The following LRRC4C variants were observed in gnomAD, a reference collection of about 807,000 sequenced individuals.
The protein encoded by LRRC4C is leucine rich repeat containing 4C.
A neutral mutation model predicts 33.6 loss-of-function variants in LRRC4C; 5 were observed. The ratio of observed to expected loss-of-function variants is 0.15; its 90% confidence interval spans 0.08 to 0.31. The LOEUF (loss-of-function observed/expected upper bound fraction) is 0.31. Among genes scored for constraint, LRRC4C ranks in the 10% least tolerant of loss-of-function variants. LRRC4C has a pLI of 1.00. For synonymous variants in LRRC4C, 329 were observed against 302.0 expected (o/e 1.09, Z -0.93); for missense variants, 560 against 796.7 (o/e 0.70, Z 3.58).
At chr11:40,621,300 A>G (rs80042462) in intron 3 of LRRC4C, among the ~76,000 whole-genome samples, 22 of 151,490 alleles carry the variant, frequency 1.5e-4, no homozygotes, top group African/African-American at 4.6e-4. Flanking sequence ...CATAAAGTCT[A>G]CTTGTTTCTG....
chr11:40,258,205 G>C (rs1867377208), intron 4 of LRRC4C, among the ~76,000 whole-genome samples: 1 of 152,030 alleles, frequency 6.6e-6, no homozygotes, highest in African/African-American at 2.4e-5. Context: ...TCAACTCCTT[G>C]GTCTTCACGT....
chr11:40,915,877 G>A (rs988049026), intron 2 of LRRC4C, among the ~76,000 whole-genome samples: 3 of 152,124 alleles, frequency 2.0e-5, no homozygotes, highest in African/African-American at 7.2e-5. Flanking sequence ...CCATCAAAAA[G>A]TGGGTGAAGG....
At chr11:41,006,144 A>G (rs140383241) in intron 1 of LRRC4C, among the ~76,000 whole-genome samples, 8 of 152,338 alleles carry the variant, frequency 5.3e-5, no homozygotes, top group African/African-American at 1.9e-4. Context: ...TGGTGTTGAC[A>G]TATTTGGTTT....
At chr11:41,405,715 T>C (rs918166202) in intron 1 of LRRC4C, among the ~76,000 whole-genome samples, 2 of 152,142 alleles carry the variant, frequency 1.3e-5, no homozygotes, top group Non-Finnish European at 2.9e-5. Flanking sequence ...GAAGAATCTA[T>C]CATTTTGGAT....
At chr11:40,403,757 T>A (rs1949853847) in intron 3 of LRRC4C, among the ~76,000 whole-genome samples, 1 of 152,088 alleles carries the variant, frequency 6.6e-6, no homozygotes, top group South Asian at 2.1e-4. Flanking sequence ...GCATCCTAAA[T>A]CTCAGAGAGA....
At chr11:40,462,395 G>A (rs1952441754) in intron 3 of LRRC4C, among the ~76,000 whole-genome samples, 1 of 152,084 alleles carries the variant, frequency 6.6e-6, no homozygotes, top group African/African-American at 2.4e-5. Flanking sequence ...ACTTAAAGGG[G>A]TAGATTTTCA....
chr11:40,859,737 C>A (rs1953980404), intron 2 of LRRC4C, among the ~76,000 whole-genome samples: 2 of 152,180 alleles, frequency 1.3e-5, no homozygotes, highest in African/African-American at 2.4e-5. Flanking sequence ...GTATACAGTG[C>A]AATATTAGTC....
At chr11:40,503,503 T>C (rs1395389625) in intron 3 of LRRC4C, among the ~76,000 whole-genome samples, 2 of 152,184 alleles carry the variant, frequency 1.3e-5, no homozygotes, top group South Asian at 4.1e-4. Flanking sequence ...TGAAGTAATT[T>C]CACTATATTG....
At chr11:40,936,702 A>G (rs978287283) in intron 1 of LRRC4C, among the ~76,000 whole-genome samples, 1 of 152,150 alleles carries the variant, frequency 6.6e-6, no homozygotes, top group Non-Finnish European at 1.5e-5. Flanking sequence ...ATCATGTATT[A>G]TTTTATTTAA....
chr11:40,490,024 G>T (rs562849994), intron 3 of LRRC4C, among the ~76,000 whole-genome samples: 9 of 152,102 alleles, frequency 5.9e-5, no homozygotes, highest in African/African-American at 2.2e-4. Context: ...TCCTTCCTCA[G>T]TTGCCTTTTG....
At chr11:41,431,654 C>G (rs923316483) in intron 1 of LRRC4C, among the ~76,000 whole-genome samples, 3 of 148,106 alleles carry the variant, frequency 2.0e-5, no homozygotes, top group African/African-American at 4.9e-5. Context: ...TGTGTGTGTA[C>G]ACGTACACAC....
chr11:40,326,067 A>G (rs1162173288), intron 3 of LRRC4C, among the ~76,000 whole-genome samples: 1 of 151,946 alleles, frequency 6.6e-6, no homozygotes, highest in African/African-American at 2.4e-5. Flanking sequence ...AAAACCTAAA[A>G]AAAAAAAAAA....
intron 4 of LRRC4C, among the ~76,000 whole-genome samples, chr11:40,254,201 A>AT (rs1867019035): frequency 6.6e-6 from 1 of 152,180 alleles, no homozygotes; most frequent in African/African-American, 2.4e-5. Flanking sequence ...AGAACAAATA[A>AT]TTTTTTCATA....
Position 40,847,811 on chromosome 11 carries a change from A to G in LRRC4C, c.-407+85824T>C, listed in dbSNP as rs1422554632. On this transcript the variant is annotated intron_variant, in intron 2 of 6. Transcript: ENST00000528697. ...TTTTTTTTTTTTTTTGATTGGTACG[A>G]TATTAACTACTGTCTCAATTTCAGA... 3.7e-5 allele frequency among the ~76,000 whole-genome samples: 5 copies of G among 136,872 alleles called. No homozygotes were observed. In the South Asian group the frequency reaches 9.1e-4, roughly 25 times the overall value. The allele number at this position is 136,872 out of a possible 152,430, so 89.8% of individuals were successfully genotyped here. A position where few individuals can be genotyped will look rare whatever the true frequency, so the allele number is the denominator to read the frequency against.
At chr11:41,298,062 G>A (rs916309655) in intron 1 of LRRC4C, among the ~76,000 whole-genome samples, 2 of 152,146 alleles carry the variant, frequency 1.3e-5, no homozygotes, top group Admixed American at 6.5e-5. Flanking sequence ...AAATGTGTGC[G>A]TCTTCTGCAG....
chr11:40,379,829 C>G (rs1026255708), intron 3 of LRRC4C, among the ~76,000 whole-genome samples: 1 of 152,044 alleles, frequency 6.6e-6, no homozygotes, highest in Non-Finnish European at 1.5e-5. Flanking sequence ...GTTGTGGGCC[C>G]GCAGTATCAA....
chr11:40,629,776 T>C (rs1182124313), intron 3 of LRRC4C, among the ~76,000 whole-genome samples: 1 of 152,174 alleles, frequency 6.6e-6, no homozygotes, highest in African/African-American at 2.4e-5. Flanking sequence ...TTTTAAATGA[T>C]AGATGTTAAT....
intron 1 of LRRC4C, among the ~76,000 whole-genome samples, chr11:41,072,718 G>A (rs745497782): frequency 6.6e-6 from 1 of 152,122 alleles, no homozygotes; most frequent in African/African-American, 2.4e-5. Flanking sequence ...TTGGCCACAT[G>A]ATCTGGCTGG....
At chr11:40,336,772 C>G (rs954538378) in intron 3 of LRRC4C, among the ~76,000 whole-genome samples, 1 of 151,776 alleles carries the variant, frequency 6.6e-6, no homozygotes, top group East Asian at 2.0e-4. Context: ...GTCAGGAGAT[C>G]GAGACCATCC....
Sources: allele counts gnomAD v4.1 joint callset (sites outside exome capture counted in the v4.1 genomes callset), GRCh38; gene constraint gnomAD v4.1.1; transcripts MANE v1.5; gene names NCBI Gene and HGNC (gene_info 2026-07-23, HGNC 2026-07-21).